Variants in ASTN1 observed in about 807,000 individuals in gnomAD.
ASTN1 encodes astrotactin-1.
A neutral mutation model predicts 140.7 loss-of-function variants in ASTN1; 41 were observed. That is an observed-to-expected ratio of 0.29 (90% CI 0.23 to 0.38). ASTN1 has a LOEUF of 0.38. Ranked by LOEUF, ASTN1 falls within the 10% of genes least tolerant of loss-of-function variation. ASTN1 has a pLI of 1.00. For synonymous variants in ASTN1, 640 were observed against 652.2 expected, an observed-to-expected ratio of 0.98 and a Z score of 0.29; for missense variants, 1,479 against 1,678.8, an observed-to-expected ratio of 0.88 and a Z score of 2.08.
intron 16 of ASTN1, among the ~76,000 whole-genome samples, chr1:176,909,784 T>A (rs1670151393): frequency 6.6e-6 from 1 of 152,122 alleles, no homozygotes; most frequent in Non-Finnish European, 1.5e-5. Flanking sequence ...AAAAAGCCTA[T>A]CCCTCCTAGG....
At chr1:176,935,695 A>G (rs1671411989) in intron 15 of ASTN1, among the ~76,000 whole-genome samples, 1 of 152,188 alleles carries the variant, frequency 6.6e-6, no homozygotes, top group African/African-American at 2.4e-5. Flanking sequence ...AAGTAAGTTT[A>G]GAACTCACTG....
chr1:176,977,831 G>T (rs1027374038), intron 8 of ASTN1, among the ~76,000 whole-genome samples: 12 of 152,172 alleles, frequency 7.9e-5, no homozygotes, highest in African/African-American at 2.9e-4. Flanking sequence ...TGGCAAAGAC[G>T]TCTGTGAGTT....
intron 1 of ASTN1, among the ~76,000 whole-genome samples, chr1:177,076,303 A>T (rs1412345419): frequency 6.7e-6 from 1 of 150,054 alleles, no homozygotes; most frequent in Non-Finnish European, 1.5e-5. Context: ...AAAGAAAGAA[A>T]GAAAAAGAAA....
At chr1:177,104,019 G>T (rs7521610) in intron 1 of ASTN1, among the ~76,000 whole-genome samples, 70,797 of 151,830 alleles carry the variant, frequency 0.47, 17,648 homozygotes, top group Non-Finnish European at 0.56. Context: ...GTGCAGTAAC[G>T]CATCCAACAA....
intron 1 of ASTN1, among the ~76,000 whole-genome samples, chr1:177,117,701 T>C (rs1174954235): frequency 6.6e-6 from 1 of 152,166 alleles, no homozygotes; most frequent in Non-Finnish European, 1.5e-5. Flanking sequence ...TCCCACACCA[T>C]ACTACTCCCT....
intron 8 of ASTN1, among the ~76,000 whole-genome samples, chr1:176,969,053 A>G (rs1278868840): frequency 6.6e-6 from 1 of 152,018 alleles, no homozygotes; most frequent in African/African-American, 2.4e-5. Context: ...ACGTAAAAGC[A>G]CTCATAACGC....
chr1:176,918,982 T>C (rs1354106891), intron 16 of ASTN1, among the ~76,000 whole-genome samples: 1 of 152,194 alleles, frequency 6.6e-6, no homozygotes, highest in Non-Finnish European at 1.5e-5. Context: ...ACCATCCACA[T>C]CTTGGCATAA....
chr1:176,902,350 A>G lies in ASTN1; in HGVS notation c.2672-7520T>C, dbSNP rs140078387. On this transcript the variant is annotated intron_variant, in intron 16 of 22. Transcript: ENST00000361833. The stretch of plus-strand genomic sequence containing the variant: ...CTCCAGGTGATGGTTTTATTCATCA[A>G]TTATGACTATGCGGATTTGGAAGCT... Among the ~76,000 whole-genome samples the G allele has an allele frequency of 8.7e-4, 133 of 152,340 alleles. No individual in the cohort carries two copies. In the East Asian group the frequency reaches 0.016, roughly 18 times the overall value.
intron 14 of ASTN1, among the ~76,000 whole-genome samples, 180 bp from the exon 15 acceptor site, chr1:176,936,550 T>G (rs972121980): frequency 1.3e-5 from 2 of 152,228 alleles, no homozygotes; most frequent in African/African-American, 4.8e-5. Context: ...GAACCCTTAC[T>G]CCATGCCAGG....
At chr1:176,918,277 C>T (rs1280168583) in intron 16 of ASTN1, among the ~76,000 whole-genome samples, 1 of 152,158 alleles carries the variant, frequency 6.6e-6, no homozygotes, top group African/African-American at 2.4e-5. Flanking sequence ...GCTCATCTAT[C>T]CCCAGGGATT....
chr1:176,937,473 G>A (rs935923762), intron 14 of ASTN1, among the ~76,000 whole-genome samples: 4 of 152,144 alleles, frequency 2.6e-5, no homozygotes, highest in African/African-American at 7.2e-5. Flanking sequence ...CAGCCTCTTA[G>A]TGATGTTATT....
At chr1:176,977,752 G>A (rs1232236264) in intron 8 of ASTN1, among the ~76,000 whole-genome samples, 2 of 152,158 alleles carry the variant, frequency 1.3e-5, no homozygotes, top group Non-Finnish European at 2.9e-5. Flanking sequence ...AATAACATAA[G>A]CCAAAGTCTC....
At chr1:177,161,130 C>T (rs1647335402) in intron 1 of ASTN1, among the ~76,000 whole-genome samples, 1 of 152,162 alleles carries the variant, frequency 6.6e-6, no homozygotes, top group Non-Finnish European at 1.5e-5. Flanking sequence ...GCAAAACTGC[C>T]AAGGCTGATG....
intron 12 of ASTN1, among the ~76,000 whole-genome samples, chr1:176,947,164 A>AC (rs1306795941): frequency 6.6e-6 from 1 of 152,158 alleles, no homozygotes; most frequent in Non-Finnish European, 1.5e-5. Flanking sequence ...CAGCTGATTA[A>AC]CCTCTCTGAG....
At chr1:177,005,110 C>T (rs543811890) in intron 8 of ASTN1, among the ~76,000 whole-genome samples, 7 of 151,960 alleles carry the variant, frequency 4.6e-5, no homozygotes, top group Non-Finnish European at 8.8e-5. Flanking sequence ...GACTAATATC[C>T]AAAATCTACA....
intron 8 of ASTN1, among the ~76,000 whole-genome samples, chr1:177,007,249 C>A (rs138334127): frequency 6.6e-6 from 1 of 152,120 alleles, no homozygotes; most frequent in Admixed American, 6.5e-5. Context: ...CAAAATGAGC[C>A]GGGCGTGATG....
intron 1 of ASTN1, among the ~76,000 whole-genome samples, chr1:177,160,780 C>G (rs1482797048): frequency 1.3e-5 from 2 of 152,122 alleles, no homozygotes; most frequent in Non-Finnish European, 2.9e-5. Flanking sequence ...GGCTCATGTG[C>G]CTAAATATTT....
intron 1 of ASTN1, among the ~76,000 whole-genome samples, chr1:177,155,020 G>A (rs1004902362): frequency 6.6e-6 from 1 of 152,106 alleles, no homozygotes; most frequent in African/African-American, 2.4e-5. Flanking sequence ...ATATTATTCA[G>A]CAATAAAAAT....
At chr1:177,111,234 A>G (rs1680810089) in intron 1 of ASTN1, among the ~76,000 whole-genome samples, 1 of 152,212 alleles carries the variant, frequency 6.6e-6, no homozygotes, top group South Asian at 2.1e-4. Context: ...GTCTAAGAGA[A>G]GTTAGAATTT....
Sources: allele counts gnomAD v4.1 joint callset (sites outside exome capture counted in the v4.1 genomes callset), GRCh38; gene constraint gnomAD v4.1.1; transcripts MANE v1.5; gene names NCBI Gene and HGNC (gene_info 2026-07-23, HGNC 2026-07-21).